The following FGF12 variants were observed in gnomAD, a reference collection of about 807,000 sequenced individuals.
FGF12 encodes fibroblast growth factor 12.
A neutral mutation model predicts 23.6 loss-of-function variants in FGF12; 14 were observed. That is an observed-to-expected ratio of 0.59 (90% CI 0.39 to 0.93). FGF12 has a LOEUF of 0.93. Among genes scored for constraint, FGF12 ranks in the 40% least tolerant of loss-of-function variants. The pLI is 0.00. For synonymous variants in FGF12, 62 were observed against 77.3 expected (o/e 0.80, Z 1.04); for missense variants, 175 against 217.8 (o/e 0.80, Z 1.24).
intron 2 of FGF12, among the ~76,000 whole-genome samples, chr3:192,481,489 T>C (rs1298797038): frequency 6.6e-6 from 1 of 152,208 alleles, no homozygotes; most frequent in Non-Finnish European, 1.5e-5. Context: ...CTATGCATCT[T>C]GTTTGTTTAA....
chr3:192,550,097 G>A (rs1725594089), intron 2 of FGF12, among the ~76,000 whole-genome samples: 1 of 151,612 alleles, frequency 6.6e-6, no homozygotes, highest in Non-Finnish European at 1.5e-5. Flanking sequence ...GTATATGTGT[G>A]AGTGTGTATA....
In FGF12 at chr3:192,486,982, A is replaced by G. The variant is rs888265579; in HGVS notation, c.14-126444T>C. 2.0e-5 allele frequency among the ~76,000 whole-genome samples: 3 copies of G among 152,154 alleles called. No individual in the cohort carries two copies. In the East Asian group the frequency reaches 5.8e-4, roughly 29 times the overall value. ...TTAAAATATCTGGATTTCCTCCTGC[A>G]TCTTTGGATTTGTTTTACTATTATT... On this transcript the variant is annotated intron_variant, in intron 2 of 5. Transcript: ENST00000445105.
At chr3:192,180,065 T>C (rs1317505590) in intron 4 of FGF12, among the ~76,000 whole-genome samples, 2 of 152,136 alleles carry the variant, frequency 1.3e-5, no homozygotes, top group Non-Finnish European at 2.9e-5. Context: ...ATTAAGATTA[T>C]CTTGCTTAAG....
chr3:192,645,151 C>T lies in FGF12; in HGVS notation c.13+82030G>A, dbSNP rs138822037. Among the ~76,000 whole-genome samples the T allele has an allele frequency of 1.8e-3, 281 of 152,162 alleles. 3 individuals are homozygous for T. The highest frequency in any genetic ancestry group is 6.6e-3 in the African/African-American group (276 of 41,526). On this transcript the variant is annotated intron_variant, in intron 2 of 5. Transcript: ENST00000445105. ...AGGCCAAGTAATGAAGTTGGGATCTCACCTGTAAGAAATAATCCCCAAAGG... is the reference window on the plus strand; with the variant it reads ...AGGCCAAGTAATGAAGTTGGGATCTTACCTGTAAGAAATAATCCCCAAAGG...
chr3:192,568,128 C>T (rs544221145), intron 2 of FGF12, among the ~76,000 whole-genome samples: 4 of 152,138 alleles, frequency 2.6e-5, no homozygotes, highest in Non-Finnish European at 5.9e-5. Flanking sequence ...CACCATGCCC[C>T]GCCCTTTGCA....
intron 2 of FGF12, among the ~76,000 whole-genome samples, chr3:192,671,174 T>A (rs1432504294): frequency 6.6e-6 from 1 of 152,212 alleles, no homozygotes; most frequent in Non-Finnish European, 1.5e-5. Context: ...ACATACCAAG[T>A]AAAGGAATTT....
rs1713564021 is a variant in FGF12, at chr3:192,144,147, A to C, written c.428-20T>G. On this transcript the variant is annotated intron_variant, in intron 5 of 5. Coordinates refer to ENST00000445105, the MANE Select transcript of FGF12 (RefSeq NM_004113.6). ...TACACACTGAAAGGCAAAATAACAA[A>C]AATTACTTATGACAGTGGACATAAA... The C allele has an allele frequency of 6.9e-7, 1 of 1,447,816 alleles. No homozygotes were observed. 89.7% of individuals were successfully genotyped at this position (1,447,816 alleles called of 1,614,324 possible).
intron 2 of FGF12, among the ~76,000 whole-genome samples, chr3:192,620,357 G>A (rs1025348624): frequency 2.0e-5 from 3 of 152,096 alleles, no homozygotes; most frequent in Admixed American, 6.6e-5. Context: ...ACTCCTTACA[G>A]TAATCGGAGA....
intron 4 of FGF12, among the ~76,000 whole-genome samples, chr3:192,227,175 A>T (rs940607997): frequency 1.3e-5 from 2 of 152,128 alleles, no homozygotes; most frequent in African/African-American, 2.4e-5. Context: ...AAACACATAC[A>T]TATACAATAA....
At chr3:192,527,680 G>A (rs1040196864) in intron 2 of FGF12, among the ~76,000 whole-genome samples, 1 of 151,788 alleles carries the variant, frequency 6.6e-6, no homozygotes, top group African/African-American at 2.4e-5. Flanking sequence ...TTTTTTATTT[G>A]TACATATTTA....
chr3:192,275,972 C>T (rs989140676), intron 4 of FGF12, among the ~76,000 whole-genome samples: 21 of 152,190 alleles, frequency 1.4e-4, no homozygotes, highest in Non-Finnish European at 2.1e-4. Flanking sequence ...ATATTACCAA[C>T]AGCATCTTGT....
rs1359108448 is a variant in FGF12 at position 192,360,335 on chromosome 3, T to G, written c.124+93A>C. 2.4e-6 allele frequency: 2 copies of G among 834,930 alleles called. No individual in the cohort carries two copies. The highest frequency in any genetic ancestry group is 3.0e-5 in the South Asian group (2 of 67,366). 51.7% of individuals were successfully genotyped at this position (834,930 alleles called of 1,614,324 possible). A position where few individuals can be genotyped will look rare whatever the true frequency, so the allele number is the denominator to read the frequency against. On this transcript the variant is annotated intron_variant, in intron 3 of 5. Transcript: ENST00000445105. This position sits in a 1 kb window ranked among gnomAD's most constrained non-coding sequence, Gnocchi z 4.3. ...AGTTAAATAGTTTGAAAGGCATAGT[T>G]TGGTAAGGCAGCTTAGCAATGCTTT...
At chr3:192,642,648 G>C (rs1198661780) in intron 2 of FGF12, among the ~76,000 whole-genome samples, 1 of 152,208 alleles carries the variant, frequency 6.6e-6, no homozygotes, top group Non-Finnish European at 1.5e-5. Flanking sequence ...ATGATCAAGT[G>C]AAAGCAACTC....
chr3:192,613,580 A>G (rs1473303051), intron 2 of FGF12, among the ~76,000 whole-genome samples: 1 of 151,964 alleles, frequency 6.6e-6, no homozygotes, highest in Non-Finnish European at 1.5e-5. Flanking sequence ...TGACCTGTAG[A>G]CCTTCAACAC....
At position 192,462,304 on chromosome 3, in the gene FGF12, G is replaced by T. The variant is rs899026312; in HGVS notation, c.14-101766C>A. Among the ~76,000 whole-genome samples the T allele has an allele frequency of 3.3e-5, 5 of 152,102 alleles. 1 individual carries two copies. The highest frequency in any genetic ancestry group is 1.2e-4 in the African/African-American group (5 of 41,424). On this transcript the variant is annotated intron_variant, in intron 2 of 5. Transcript: ENST00000445105. ...TTGAGAGGTGAGGTCTTTAAATGGTGAGTGGGTCTTGAGGGCTCTGACTCA... is the reference window on the plus strand; with the variant it reads ...TTGAGAGGTGAGGTCTTTAAATGGTTAGTGGGTCTTGAGGGCTCTGACTCA...
At chr3:192,689,400 A>T (rs572140772) in intron 2 of FGF12, among the ~76,000 whole-genome samples, 2 of 152,128 alleles carry the variant, frequency 1.3e-5, no homozygotes, top group South Asian at 4.1e-4. Context: ...CAAACAAGAG[A>T]GCACAAAAAA....
intron 2 of FGF12, among the ~76,000 whole-genome samples, chr3:192,679,406 T>C (rs1365041912): frequency 6.6e-6 from 1 of 152,124 alleles, no homozygotes; most frequent in Non-Finnish European, 1.5e-5. Flanking sequence ...AAGACCAGCC[T>C]GGACAAGATG....
chr3:192,727,429 T>C (rs1012327364), intron 1 of FGF12, 55 bp downstream of exon 1: 7 of 1,235,580 alleles, frequency 5.7e-6, no homozygotes, highest in Non-Finnish European at 7.7e-6. Flanking sequence ...GACGCGCATC[T>C]GATACTGAAA....
intron 2 of FGF12, among the ~76,000 whole-genome samples, chr3:192,696,719 T>A (rs1718135389): frequency 2.6e-5 from 4 of 152,008 alleles, no homozygotes; most frequent in Non-Finnish European, 5.9e-5. Context: ...TATAGCAATG[T>A]TCTTAAACTT....
Sources: allele counts gnomAD v4.1 joint callset (sites outside exome capture counted in the v4.1 genomes callset), GRCh38; gene constraint gnomAD v4.1.1; non-coding constraint Gnocchi (gnomAD v3.1); transcripts MANE v1.5; gene names NCBI Gene and HGNC (gene_info 2026-07-23, HGNC 2026-07-21).